TENM2: variants seen among roughly 807,000 people sequenced by gnomAD.
TENM2 encodes teneurin transmembrane protein 2.
In TENM2, 52 loss-of-function variants were observed where a neutral mutation model predicts 245.2. That is an observed-to-expected ratio of 0.21 (90% confidence interval 0.17 to 0.27). The LOEUF (loss-of-function observed/expected upper bound fraction) is 0.27. TENM2 is among the 10% of genes least tolerant of loss of function. The probability of loss-of-function intolerance (pLI) is 1.00; values close to 1 mark genes in which losing one functional copy is unlikely to be tolerated. For synonymous variants in TENM2, 1,363 were observed against 1,438.9 expected (o/e 0.95, Z 1.19); for missense variants, 3,046 against 3,666.8 (o/e 0.83, Z 4.37).
At chr5:168,263,138 A>C (rs1445445673), downstream of TENM2, 2 of 244,378 alleles carry the variant, frequency 8.2e-6, no homozygotes, top group Non-Finnish European at 1.6e-5. Context: ...AAGTGTCCAA[A>C]AGGAACAAAA....
In TENM2 at chr5:167,952,727, C is replaced by G. The variant is rs745710820; in HGVS notation, c.852C>G (p.Ala284=). 6 of 1,602,616 alleles carry G rather than the reference C, an allele frequency of 3.7e-6. No homozygotes were observed. The South Asian group carries it at 5.6e-5, about 15-fold the overall frequency. Residue 284 remains alanine (A), a synonymous_variant, in exon 4 of 29, where the codon GCC becomes GCG. Transcript: ENST00000518659. ...CCAATCGGCGGAGTCAGATCCACGC[C>G]CCGGCCCCAGCGCCCAATGACCTGG...
In TENM2 at chr5:167,721,676, A is replaced by G. The variant is rs1239074714; in HGVS notation, c.503-154310A>G. 3.9e-5 allele frequency among the ~76,000 whole-genome samples: 6 copies of G among 152,320 alleles called. No individual in the cohort carries two copies. The East Asian group carries it at 9.7e-4, about 25-fold the overall frequency. ...AGGACATGTGGATGAGTTCAAACTC[A>G]CTTGGATAATCCAAAATATTCTCCC... On this transcript the variant is annotated intron_variant, in intron 2 of 28. Transcript: ENST00000518659.
chr5:167,418,780 T>C (rs1186927489), intron 2 of TENM2, among the ~76,000 whole-genome samples: 2 of 152,338 alleles, frequency 1.3e-5, no homozygotes, highest in African/African-American at 2.4e-5. Flanking sequence ...TTCTTCATTA[T>C]ATTTTGAAAA....
At chr5:167,708,969 G>A (rs1210611706) in intron 2 of TENM2, among the ~76,000 whole-genome samples, 1 of 152,086 alleles carries the variant, frequency 6.6e-6, no homozygotes, top group African/African-American at 2.4e-5. Flanking sequence ...TTTATGAAAT[G>A]GGCGAGTCTA....
At chr5:167,917,433 G>A (rs1296351445) in intron 3 of TENM2, among the ~76,000 whole-genome samples, 2 of 151,934 alleles carry the variant, frequency 1.3e-5, no homozygotes, top group African/African-American at 4.8e-5. Flanking sequence ...GGAATCCTGG[G>A]GCTTCCCTAG....
chr5:167,911,528 A>AAAAAC (rs960708779), intron 3 of TENM2, among the ~76,000 whole-genome samples: 6 of 152,212 alleles, frequency 3.9e-5, no homozygotes, highest in Non-Finnish European at 7.3e-5. Flanking sequence ...CTCCGTCTCA[A>AAAAAC]AAAACAAAAC....
intron 28 of TENM2, among the ~76,000 whole-genome samples, chr5:168,260,713 A>G (rs957618436): frequency 2.6e-5 from 4 of 152,170 alleles, no homozygotes; most frequent in Non-Finnish European, 5.9e-5. Flanking sequence ...GCAGCAACCT[A>G]CCATCTGCAC....
intron 2 of TENM2, among the ~76,000 whole-genome samples, chr5:167,449,050 T>TA (rs34656951): frequency 0.17 from 24,274 of 146,588 alleles, 2,038 homozygotes; most frequent in East Asian, 0.26. Context: ...ATGTTGACAG[T>TA]AAAAAAAAAA....
intron 27 of TENM2, among the ~76,000 whole-genome samples, chr5:168,257,615 ATTTTTTTT>A (rs58911868): frequency 7.6e-6 from 1 of 131,016 alleles, no homozygotes; most frequent in Non-Finnish European, 1.6e-5. Flanking sequence ...GCAGCTCCTG[ATTTTTTTT>A]TTTTTTTTTT....
intron 2 of TENM2, among the ~76,000 whole-genome samples, chr5:167,541,534 C>T (rs1240743133): frequency 1.3e-5 from 2 of 152,250 alleles, no homozygotes; most frequent in Middle Eastern, 3.4e-3. Context: ...AATCAACACA[C>T]ACACACATAA....
the TENM2 span, among the ~76,000 whole-genome samples, chr5:167,179,707 A>T: frequency 7.9e-5 from 12 of 152,132 alleles, no homozygotes; most frequent in Non-Finnish European, 1.8e-4. Flanking sequence ...GGACAATAGA[A>T]GAAATTCAGA....
At chr5:167,347,196 G>A (rs916591833) in intron 1 of TENM2, among the ~76,000 whole-genome samples, 2 of 151,478 alleles carry the variant, frequency 1.3e-5, no homozygotes, top group East Asian at 1.9e-4. Context: ...TGGATAGTAC[G>A]CATGCCTGCT....
intron 3 of TENM2, among the ~76,000 whole-genome samples, chr5:167,909,308 A>G (rs1350551042): frequency 6.6e-6 from 1 of 151,986 alleles, no homozygotes; most frequent in South Asian, 2.1e-4. Flanking sequence ...CACGGTATTA[A>G]CTACATTTCC....
At chr5:167,243,043 T>C in the TENM2 span, among the ~76,000 whole-genome samples, 2 of 151,782 alleles carry the variant, frequency 1.3e-5, no homozygotes, top group Admixed American at 6.6e-5. Context: ...TTTTTTCCCA[T>C]TGAAATAAAA....
intron 25 of TENM2, among the ~76,000 whole-genome samples, chr5:168,235,758 G>C (rs1258467622): frequency 6.6e-6 from 1 of 152,058 alleles, no homozygotes; most frequent in East Asian, 1.9e-4. Context: ...AGTAAGCCGA[G>C]ATGGCACCAC....
intron 1 of TENM2, among the ~76,000 whole-genome samples, chr5:167,320,895 C>T (rs557277145): frequency 6.6e-6 from 1 of 151,900 alleles, no homozygotes; most frequent in Non-Finnish European, 1.5e-5. Flanking sequence ...TCTTTGTTTT[C>T]AAGTATCCTT....
At chr5:167,143,106 C>T in the TENM2 span, among the ~76,000 whole-genome samples, 12 of 152,170 alleles carry the variant, frequency 7.9e-5, no homozygotes, top group Admixed American at 7.9e-4. Flanking sequence ...ATGTTGTTAT[C>T]TGCATCATCT....
At chr5:167,577,346 A>G (rs1376541470) in intron 2 of TENM2, among the ~76,000 whole-genome samples, 1 of 152,118 alleles carries the variant, frequency 6.6e-6, no homozygotes. Flanking sequence ...CTTTAAGCCG[A>G]CCTAGTTCTT....
At chr5:167,423,542 G>T (rs1343559275) in intron 2 of TENM2, among the ~76,000 whole-genome samples, 1 of 152,112 alleles carries the variant, frequency 6.6e-6, no homozygotes. Context: ...GACATTGAAG[G>T]ATTGATGTGC....
Sources: gnomAD v4.1 joint callset for allele counts (sites outside exome capture counted in the v4.1 genomes callset) on GRCh38, gnomAD v4.1.1 for gene constraint, MANE v1.5 for transcripts, NCBI Gene and HGNC (gene_info 2026-07-23, HGNC 2026-07-21) for gene names.